ZNF385B: variants seen among roughly 807,000 people sequenced by gnomAD.
The protein encoded by ZNF385B is zinc finger protein 533.
ZNF385B carries 23 observed loss-of-function variants against 39.2 expected under a neutral mutation model. That is an observed-to-expected ratio of 0.59 (90% CI 0.42 to 0.83). ZNF385B has a LOEUF of 0.83. Ranked by LOEUF, ZNF385B falls within the 40% of genes least tolerant of loss-of-function variation. The pLI, the probability that ZNF385B is intolerant of heterozygous loss-of-function variation, is 0.00. For missense variants in ZNF385B, 552 were observed against 598.9 expected (o/e 0.92, Z 0.82); for synonymous variants, 205 against 222.6 (o/e 0.92, Z 0.70).
At chr2:179,670,981 G>A (rs190603002) in intron 3 of ZNF385B, among the ~76,000 whole-genome samples, 344 of 152,332 alleles carry the variant, frequency 2.3e-3, no homozygotes, top group Non-Finnish European at 3.5e-3. Flanking sequence ...TCCATCTATG[G>A]AATGTGATGA....
intron 3 of ZNF385B, among the ~76,000 whole-genome samples, chr2:179,659,295 T>C (rs921346322): frequency 6.6e-6 from 1 of 152,174 alleles, no homozygotes; most frequent in African/African-American, 2.4e-5. Context: ...ATGTTTGTTT[T>C]CCAAATAAAT....
chr2:179,595,647 AC>A (rs1387698639), intron 3 of ZNF385B, among the ~76,000 whole-genome samples: 2 of 149,954 alleles, frequency 1.3e-5, no homozygotes, highest in Admixed American at 1.3e-4. Context: ...TCTTCCAGAG[AC>A]AGGGTCTCAC....
At chr2:179,738,416 C>T (rs1224476771) in intron 3 of ZNF385B, among the ~76,000 whole-genome samples, 1 of 152,178 alleles carries the variant, frequency 6.6e-6, no homozygotes, top group Non-Finnish European at 1.5e-5. Flanking sequence ...GAGCAAAGAG[C>T]AGGACTCCAA....
At position 179,787,427 on chromosome 2, in the gene ZNF385B, A is replaced by G. The variant is rs114029472; in HGVS notation, c.-154-16755T>C. On this transcript the variant is annotated intron_variant, in intron 1 of 9. Transcript: ENST00000410066. ...ATAGAAGCCTTAAAACCAATACAAT[A>G]TCTCTTAATATTGGTATAGAAGCCT... Among the ~76,000 whole-genome samples the G allele has an allele frequency of 3.7e-3, 568 of 152,168 alleles. 5 individuals carry two copies. The highest frequency in any genetic ancestry group is 0.013 in the African/African-American group (536 of 41,534).
At chr2:179,524,970 T>G (rs1224699119) in intron 4 of ZNF385B, among the ~76,000 whole-genome samples, 5 of 152,180 alleles carry the variant, frequency 3.3e-5, no homozygotes. Flanking sequence ...TGCTGGGAAC[T>G]ATACTAAGGA....
chr2:179,644,517 A>T (rs1279963518), intron 3 of ZNF385B, among the ~76,000 whole-genome samples: 1 of 152,212 alleles, frequency 6.6e-6, no homozygotes, highest in African/African-American at 2.4e-5. Flanking sequence ...TATATATTCT[A>T]TGAGCCACAA....
intron 3 of ZNF385B, among the ~76,000 whole-genome samples, chr2:179,766,815 A>G (rs1227735500): frequency 6.6e-6 from 1 of 152,278 alleles, no homozygotes; most frequent in East Asian, 1.9e-4. Context: ...TCAACCCACA[A>G]TATTCTCTGA....
At chr2:179,622,483 C>T (rs565121318) in intron 3 of ZNF385B, among the ~76,000 whole-genome samples, 9 of 152,232 alleles carry the variant, frequency 5.9e-5, no homozygotes, top group African/African-American at 1.9e-4. Flanking sequence ...AGAGAGGTAA[C>T]AAAGTTAAAA....
At chr2:179,625,061 T>C (rs1690538348) in intron 3 of ZNF385B, among the ~76,000 whole-genome samples, 1 of 152,200 alleles carries the variant, frequency 6.6e-6, no homozygotes, top group South Asian at 2.1e-4. Context: ...GTCTTCAGCA[T>C]TTACAGAGGA....
At position 179,832,613 on chromosome 2, in the gene ZNF385B, G is replaced by A. The variant is rs916298764; in HGVS notation, c.-155+28488C>T. Among the ~76,000 whole-genome samples, 7 of 152,238 alleles carry A rather than the reference G, an allele frequency of 4.6e-5. No homozygotes were observed. The East Asian group carries it at 1.2e-3, about 25-fold the overall frequency. Reference sequence around the variant, plus strand: ...GCAACCCACCACCTCATTTTCAAAAGCTTACAAATCCACATTCTAGCCACC... The same window carrying A: ...GCAACCCACCACCTCATTTTCAAAAACTTACAAATCCACATTCTAGCCACC... On this transcript the variant is annotated intron_variant, in intron 1 of 9. Transcript: ENST00000410066.
At chr2:179,536,102 TG>T (rs1221678918) in intron 4 of ZNF385B, among the ~76,000 whole-genome samples, 3 of 152,238 alleles carry the variant, frequency 2.0e-5, no homozygotes, top group Non-Finnish European at 4.4e-5. Context: ...GCTACTTTTT[TG>T]TATTTATTAG....
At chr2:179,461,178 T>C (rs2051294625) in intron 6 of ZNF385B, among the ~76,000 whole-genome samples, 1 of 152,190 alleles carries the variant, frequency 6.6e-6, no homozygotes, top group African/African-American at 2.4e-5. Flanking sequence ...CCAGATCACA[T>C]ACAGCCTGGT....
intron 1 of ZNF385B, among the ~76,000 whole-genome samples, chr2:179,788,869 T>C (rs1705161453): frequency 6.6e-6 from 1 of 152,000 alleles, no homozygotes; most frequent in East Asian, 1.9e-4. Flanking sequence ...CAAGTTGGAG[T>C]TGATGTGAAA....
intron 1 of ZNF385B, among the ~76,000 whole-genome samples, chr2:179,846,081 C>T (rs958659768): frequency 6.6e-6 from 1 of 152,148 alleles, no homozygotes; most frequent in Non-Finnish European, 1.5e-5. Context: ...CTTGGAGGAG[C>T]TGATGACTTT....
chr2:179,779,167 CAG>C (rs1704520261), intron 1 of ZNF385B, among the ~76,000 whole-genome samples: 1 of 152,112 alleles, frequency 6.6e-6, no homozygotes, highest in Non-Finnish European at 1.5e-5. Context: ...AGTGCTGTAA[CAG>C]GGGTTGCCTT....
chr2:179,547,545 T>C (rs1159714400), intron 3 of ZNF385B, among the ~76,000 whole-genome samples: 1 of 149,452 alleles, frequency 6.7e-6, no homozygotes, highest in Non-Finnish European at 1.5e-5. Flanking sequence ...GCTTTATTTC[T>C]GGGTTCTCTA....
At chr2:179,523,347 C>T (rs1025242979) in intron 4 of ZNF385B, among the ~76,000 whole-genome samples, 86 of 64,932 alleles carry the variant, frequency 1.3e-3, no homozygotes, top group African/African-American at 4.3e-3. Context: ...AATCTGTGTG[C>T]GTTTTTTTTT....
At chr2:179,710,804 C>T (rs1399691) in intron 3 of ZNF385B, among the ~76,000 whole-genome samples, 17,472 of 152,238 alleles carry the variant, frequency 0.11, 1,274 homozygotes, top group Admixed American at 0.18. Context: ...AACAAACAGA[C>T]TGTTGTGACT....
At chr2:179,794,459 T>G (rs1705529361) in intron 1 of ZNF385B, among the ~76,000 whole-genome samples, 2 of 152,164 alleles carry the variant, frequency 1.3e-5, no homozygotes, top group South Asian at 4.1e-4. Flanking sequence ...AAAGGTTCAA[T>G]GAGCATTTAT....
Sources: gnomAD v4.1 joint callset for allele counts (sites outside exome capture counted in the v4.1 genomes callset) on GRCh38, gnomAD v4.1.1 for gene constraint, MANE v1.5 for transcripts, NCBI Gene and HGNC (gene_info 2026-07-23, HGNC 2026-07-21) for gene names.